SRPK2: variants seen among roughly 807,000 people sequenced by gnomAD.
SRPK2 encodes the protein SRSF protein kinase 2, also known as SFRS protein kinase 2.
Under a neutral mutation model 90.8 loss-of-function variants are expected in SRPK2, and 21 were observed. The ratio of observed to expected loss-of-function variants is 0.23; its 90% CI spans 0.16 to 0.33. The LOEUF (loss-of-function observed/expected upper bound fraction) is 0.33. SRPK2 is among the 10% of genes least tolerant of loss of function. The pLI, the probability that SRPK2 is intolerant of heterozygous loss-of-function variation, is 1.00. For synonymous variants in SRPK2, 288 were observed against 311.1 expected, an observed-to-expected ratio of 0.93 and a Z score of 0.78; for missense variants, 620 against 869.0, an observed-to-expected ratio of 0.71 and a Z score of 3.60.
chr7:105,327,969 T>A (rs1029469620), intron 2 of SRPK2, among the ~76,000 whole-genome samples: 3 of 152,096 alleles, frequency 2.0e-5, no homozygotes, highest in African/African-American at 7.2e-5. Context: ...GCAGGCTAAT[T>A]TTTCTATCTG....
chr7:105,199,536 G>A (rs1795297529), intron 3 of SRPK2, among the ~76,000 whole-genome samples: 1 of 152,172 alleles, frequency 6.6e-6, no homozygotes, highest in Non-Finnish European at 1.5e-5. Context: ...GCATGAGTTA[G>A]GTGAGAAGGG....
At chr7:105,267,229 C>G (rs1282004361) in intron 2 of SRPK2, among the ~76,000 whole-genome samples, 1 of 152,062 alleles carries the variant, frequency 6.6e-6, no homozygotes, top group East Asian at 1.9e-4. Context: ...ACCAGAAAAC[C>G]TCATCCACTC....
At chr7:105,177,753 T>C (rs921070238) in intron 3 of SRPK2, among the ~76,000 whole-genome samples, 4 of 152,146 alleles carry the variant, frequency 2.6e-5, no homozygotes, top group African/African-American at 7.2e-5. Context: ...CTAGGCACGG[T>C]GGCTCACGCC....
At chr7:105,395,568 A>G (rs1822299117) in intron 1 of SRPK2, among the ~76,000 whole-genome samples, 1 of 152,068 alleles carries the variant, frequency 6.6e-6, no homozygotes, top group African/African-American at 2.4e-5. Flanking sequence ...CGTCTCTACT[A>G]AAAATACAAA....
At chr7:105,273,417 CTTTTTCTT>C (rs1365364312) in intron 2 of SRPK2, among the ~76,000 whole-genome samples, 12 of 140,600 alleles carry the variant, frequency 8.5e-5, no homozygotes, top group Non-Finnish European at 1.3e-4. Context: ...CTCGTTTTTT[CTTTTTCTT>C]TTTTTCTTTT....
intron 2 of SRPK2, among the ~76,000 whole-genome samples, chr7:105,347,375 GT>G: frequency 6.6e-6 from 1 of 151,634 alleles, no homozygotes; most frequent in Admixed American, 6.6e-5. Context: ...TTTAATTTTT[GT>G]AGAGACAGGT....
At chr7:105,211,005 G>A (rs1019031116) in intron 2 of SRPK2, among the ~76,000 whole-genome samples, 4 of 152,198 alleles carry the variant, frequency 2.6e-5, no homozygotes, top group Non-Finnish European at 4.4e-5. Flanking sequence ...CTGAAGCTCA[G>A]ATGAGAGCTG....
chr7:105,210,680 A>T (rs1796744602), intron 2 of SRPK2, among the ~76,000 whole-genome samples: 1 of 152,028 alleles, frequency 6.6e-6, no homozygotes, highest in African/African-American at 2.4e-5. Context: ...TACACCTGTT[A>T]TCCAATTATC....
chr7:105,362,657 A>C (rs1818569929), intron 2 of SRPK2, among the ~76,000 whole-genome samples: 1 of 152,158 alleles, frequency 6.6e-6, no homozygotes, highest in Non-Finnish European at 1.5e-5. Context: ...AAGGATCTAG[A>C]AATAGAAATA....
At chr7:105,391,873 G>A (rs1446139473), upstream of SRPK2, among the ~76,000 whole-genome samples, 2 of 152,138 alleles carry the variant, frequency 1.3e-5, no homozygotes, top group Non-Finnish European at 1.5e-5. Context: ...CACAAGGACT[G>A]AAAACAGATA....
At chr7:105,268,784 C>A in intron 2 of SRPK2, 1 of 1,587,028 alleles carries the variant, frequency 6.3e-7, no homozygotes, top group South Asian at 1.1e-5. Context: ...ATTAATTGTT[C>A]ATGCAAGAGA....
chr7:105,285,813 G>A (rs1306499608), intron 2 of SRPK2, among the ~76,000 whole-genome samples: 3 of 152,162 alleles, frequency 2.0e-5, no homozygotes, highest in Non-Finnish European at 4.4e-5. Context: ...CTGGACCCAT[G>A]CTTGTAAAGC....
At chr7:105,321,648 G>A (rs1220885103) in intron 2 of SRPK2, among the ~76,000 whole-genome samples, 1 of 152,014 alleles carries the variant, frequency 6.6e-6, no homozygotes, top group Non-Finnish European at 1.5e-5. Context: ...GATTTTAATA[G>A]AATCTCTCAA....
intron 11 of SRPK2, among the ~76,000 whole-genome samples, chr7:105,139,075 G>A (rs1584921183): frequency 6.6e-6 from 1 of 152,158 alleles, no homozygotes; most frequent in Admixed American, 6.5e-5. Context: ...ATTCCTTCCT[G>A]CACCTTCCTG....
chr7:105,398,930 A>AT (rs1822399002), intron 1 of SRPK2, among the ~76,000 whole-genome samples: 1 of 152,186 alleles, frequency 6.6e-6, no homozygotes, highest in South Asian at 2.1e-4. Context: ...TGAGGATTTA[A>AT]TGAGTTAATT....
chr7:105,268,820 C>G (rs1192755735), intron 2 of SRPK2: 1 of 1,598,920 alleles, frequency 6.3e-7, no homozygotes, highest in Non-Finnish European at 8.6e-7. Flanking sequence ...CTGAAGAGGA[C>G]GACTTCTCAG....
chr7:105,360,649 GAAATTCTGGGTTAA>G (rs1437101264), intron 2 of SRPK2, among the ~76,000 whole-genome samples: 3 of 152,136 alleles, frequency 2.0e-5, no homozygotes, highest in African/African-American at 7.2e-5. Context: ...GGCTGGATAT[GAAATTCTGGGTTAA>G]AAATTCTTTT....
chr7:105,291,960 A>AATATTC (rs1809087252), intron 2 of SRPK2, among the ~76,000 whole-genome samples: 1 of 152,346 alleles, frequency 6.6e-6, no homozygotes, highest in Admixed American at 6.5e-5. Context: ...TTTAAACAGA[A>AATATTC]GAATAACTGA....
At chr7:105,353,392 T>A (rs1268134352) in intron 2 of SRPK2, among the ~76,000 whole-genome samples, 1 of 152,166 alleles carries the variant, frequency 6.6e-6, no homozygotes, top group Non-Finnish European at 1.5e-5. Context: ...CAGGCTGGAA[T>A]GCAGTGGTGC....
Sources: gnomAD v4.1 joint callset for allele counts (sites outside exome capture counted in the v4.1 genomes callset) on GRCh38, gnomAD v4.1.1 for gene constraint, MANE v1.5 for transcripts, NCBI Gene and HGNC (gene_info 2026-07-23, HGNC 2026-07-21) for gene names.